Variants in NUGGC observed in about 807,000 individuals in gnomAD.
NUGGC encodes the protein nuclear GTPase SLIP-GC.
Under a neutral mutation model 92.6 loss-of-function variants are expected in NUGGC, and 58 were observed. The observed-to-expected ratio is 0.63, with a 90% confidence interval of 0.51 to 0.78. NUGGC has a LOEUF of 0.78. Ranked by LOEUF, NUGGC falls within the 30% of genes least tolerant of loss-of-function variation. The probability of loss-of-function intolerance (pLI) is 0.00; values close to 1 mark genes in which losing one functional copy is unlikely to be tolerated. For missense variants in NUGGC, 925 were observed against 964.6 expected, an observed-to-expected ratio of 0.96 and a Z score of 0.54; for synonymous variants, 376 against 366.4, an observed-to-expected ratio of 1.03 and a Z score of -0.30.
In NUGGC at chr8:28,064,584, C is replaced by G. The variant is rs745895030; in HGVS notation, c.859G>C (p.Val287Leu). ...PKSDLIPEGVVLVDIPGTGDF... is the reference protein window; with the variant it reads ...PKSDLIPEGVLLVDIPGTGDF... ...CCTGTGCCTGGGATGTCCACCAGCA[C>G]GACCCCTTCTGGGATCAGGTCGGAT... The change falls in exon 7 of 19, where the codon GTG becomes CTG. Residue 287 changes from valine (V) to leucine (L), a missense_variant. Transcript: ENST00000413272. 16 of 1,614,020 alleles carry G rather than the reference C, an allele frequency of 9.9e-6. No individual in the cohort carries two copies. Among genetic ancestry groups the G allele is most frequent in the Non-Finnish European group, 1.4e-5 (16 of 1,179,894 alleles).
intron 17 of NUGGC, 118 bp from the exon 18 acceptor site, chr8:28,027,170 G>A (rs1188900277): frequency 1.4e-5 from 11 of 778,800 alleles, no homozygotes; most frequent in Non-Finnish European, 2.0e-5. Context: ...GGTTGCCAAA[G>A]TCAGGCTTTG....
At chr8:28,053,337 G>A (rs749117689) in intron 10 of NUGGC, among the ~76,000 whole-genome samples, 3 of 152,154 alleles carry the variant, frequency 2.0e-5, no homozygotes, top group South Asian at 2.1e-4. Context: ...CCGGTATACC[G>A]GTAGTCCTAG....
At chr8:28,027,865 G>A (rs1268321349) in intron 17 of NUGGC, among the ~76,000 whole-genome samples, 1 of 152,138 alleles carries the variant, frequency 6.6e-6, no homozygotes. Context: ...GAAGCAGCAA[G>A]CCACATTATC....
intron 4 of NUGGC, among the ~76,000 whole-genome samples, chr8:28,069,019 C>G (rs1228421064): frequency 6.6e-6 from 1 of 152,170 alleles, no homozygotes; most frequent in African/African-American, 2.4e-5. Context: ...GCCACTACAC[C>G]TGGACAGAAA....
chr8:28,077,763 G>C (rs1261719030), intron 1 of NUGGC, among the ~76,000 whole-genome samples: 1 of 152,202 alleles, frequency 6.6e-6, no homozygotes, highest in Non-Finnish European at 1.5e-5. Context: ...CAGCTGGTGT[G>C]CTGGAATTCA....
Position 28,074,465 on chromosome 8 carries a change from A to G in NUGGC, c.-46-9T>C. Reference sequence around the variant, plus strand: ...AGTTCAGGAGAACCAGCCTGTGAAGACAAAGTACAAAGACAGGTGGGGCAG... The same window carrying G: ...AGTTCAGGAGAACCAGCCTGTGAAGGCAAAGTACAAAGACAGGTGGGGCAG... On this transcript the variant is annotated splice_polypyrimidine_tract_variant and intron_variant, in intron 1 of 18. Transcript: ENST00000413272. The G allele has an allele frequency of 6.3e-7, 1 of 1,592,054 alleles. No individual in the cohort carries two copies. Among genetic ancestry groups the G allele is most frequent in the Non-Finnish European group, 8.6e-7 (1 of 1,162,100 alleles).
intron 15 of NUGGC, among the ~76,000 whole-genome samples, chr8:28,030,829 GAAC>G (rs1378038052): frequency 3.3e-5 from 5 of 152,264 alleles, no homozygotes; most frequent in African/African-American, 9.6e-5. Flanking sequence ...ACCTAAAATT[GAAC>G]AACAATAACA....
chr8:28,082,158 A>G lies in NUGGC; in HGVS notation c.-47+1617T>C, dbSNP rs185387451. 3.5e-4 allele frequency among the ~76,000 whole-genome samples: 53 copies of G among 152,320 alleles called. 1 individual carries two copies. Among genetic ancestry groups the G allele is most frequent in the African/African-American group, 1.2e-3 (48 of 41,556 alleles). On this transcript the variant is annotated intron_variant, in intron 1 of 18. Coordinates refer to ENST00000413272, the MANE Select transcript of NUGGC (RefSeq NM_001010906.2). Reference sequence around the variant, plus strand: ...ACATTAGCTCAGAAGCAAAAGTGAAACAAGGGCCTCCAAATCTCTAAAGGA... The same window carrying G: ...ACATTAGCTCAGAAGCAAAAGTGAAGCAAGGGCCTCCAAATCTCTAAAGGA...
chr8:28,030,205 G>T (rs7829031), intron 16 of NUGGC, 105 bp downstream of exon 16: 68 of 681,100 alleles, frequency 1.0e-4, no homozygotes, highest in East Asian at 9.8e-4. Context: ...CAAAGTCTTA[G>T]GGTGCAAGAG....
rs201786793 is a variant in NUGGC at position 28,067,716 on chromosome 8, G to T, written c.509C>A (p.Thr170Asn). 33 of 1,613,806 alleles carry T rather than the reference G, an allele frequency of 2.0e-5. No homozygotes were observed. In the African/African-American group the frequency reaches 3.9e-4, roughly 19 times the overall value. Residue 170 changes from threonine (T) to asparagine (N), a missense_variant, in exon 6 of 19, where the codon ACC becomes AAC. Physicochemically the swap from Thr to Asn is moderately conservative, Grantham distance 65. Coordinates refer to ENST00000413272, the MANE Select transcript of NUGGC (RefSeq NM_001010906.2). The stretch of plus-strand genomic sequence containing the variant: ...CTCCTCCGTCCTATGCAGGAGTTTG[G>T]TCAGGTTCTTCAGCTCCTCCCTCCA... ...QEWREELKNL[T>N]KLLHRTEELS...
At chr8:28,071,254 G>C (rs1810583134) in intron 2 of NUGGC, among the ~76,000 whole-genome samples, 2 of 152,138 alleles carry the variant, frequency 1.3e-5, no homozygotes, top group South Asian at 2.1e-4. Context: ...GTAGAGAAAA[G>C]CTGAAGACGG....
intron 7 of NUGGC, among the ~76,000 whole-genome samples, chr8:28,063,140 G>A (rs1810348466): frequency 6.6e-6 from 1 of 152,146 alleles, no homozygotes; most frequent in African/African-American, 2.4e-5. Flanking sequence ...GACATAGGGA[G>A]GGCAACTGTG....
rs1255801238 is a variant in NUGGC at position 28,058,144 on chromosome 8, A to G, written c.1116+114T>C. 11 of 192,366 alleles carry G rather than the reference A, an allele frequency of 5.7e-5. No homozygotes were observed. The Admixed American group carries it at 6.9e-4, about 12-fold the overall frequency. The allele number at this position is 192,366 out of a possible 1,614,324, so 11.9% of individuals were successfully genotyped here. A position where few individuals can be genotyped will look rare whatever the true frequency, so the allele number is the denominator to read the frequency against. Reference sequence around the variant, plus strand: ...GAGGCAGAGGTTGCCGTGAGCCGAGATCGCGCCAATGCACTCCAGCCTGGG... The same window carrying G: ...GAGGCAGAGGTTGCCGTGAGCCGAGGTCGCGCCAATGCACTCCAGCCTGGG... On this transcript the variant is annotated intron_variant, in intron 9 of 18. Coordinates refer to ENST00000413272, the MANE Select transcript of NUGGC (RefSeq NM_001010906.2).
At chr8:28,059,536 C>G (rs1810239138) in intron 8 of NUGGC, among the ~76,000 whole-genome samples, 1 of 152,122 alleles carries the variant, frequency 6.6e-6, no homozygotes, top group Non-Finnish European at 1.5e-5. Flanking sequence ...TTAAAAAGTT[C>G]AGGAGTCTCT....
chr8:28,076,606 T>C (rs1457615014), intron 1 of NUGGC, among the ~76,000 whole-genome samples: 1 of 152,132 alleles, frequency 6.6e-6, no homozygotes, highest in Non-Finnish European at 1.5e-5. Flanking sequence ...CCTGAATTCA[T>C]TTTTGGTATG....
At chr8:28,047,038 T>C (rs1447892765) in intron 11 of NUGGC, among the ~76,000 whole-genome samples, 1 of 151,864 alleles carries the variant, frequency 6.6e-6, no homozygotes, top group Non-Finnish European at 1.5e-5. Flanking sequence ...TGGCGCAATC[T>C]TGGCTCACTG....
chr8:28,079,822 G>C (rs193192393), intron 1 of NUGGC, among the ~76,000 whole-genome samples: 20 of 152,378 alleles, frequency 1.3e-4, no homozygotes, highest in African/African-American at 4.8e-4. Context: ...AAGGAAGGCT[G>C]TTGAGTGGGG....
At chr8:28,059,859 T>C (rs150198328) in intron 8 of NUGGC, among the ~76,000 whole-genome samples, 1,872 of 151,960 alleles carry the variant, frequency 0.012, 20 homozygotes, top group Non-Finnish European at 0.02. Context: ...CCATCTCTAC[T>C]AAAATACAAA....
intron 13 of NUGGC, among the ~76,000 whole-genome samples, chr8:28,038,062 G>C (rs1809601097): frequency 6.6e-6 from 1 of 152,188 alleles, no homozygotes; most frequent in Non-Finnish European, 1.5e-5. Context: ...GGCCCATGGA[G>C]GCACTGGATT....
Sources: allele counts gnomAD v4.1 joint callset (sites outside exome capture counted in the v4.1 genomes callset), GRCh38; gene constraint gnomAD v4.1.1; transcripts MANE v1.5; gene names NCBI Gene and HGNC (gene_info 2026-07-23, HGNC 2026-07-21).